The following NUDT21 variants were observed in gnomAD, a reference collection of about 807,000 sequenced individuals.
NUDT21 encodes cleavage and polyadenylation specificity factor subunit 5.
In NUDT21, 5 loss-of-function variants were observed where a neutral mutation model predicts 29.8. The ratio of observed to expected loss-of-function variants is 0.17; its 90% CI spans 0.09 to 0.35. The LOEUF (loss-of-function observed/expected upper bound fraction) is 0.35, where lower values mean the gene tolerates loss of function less well. Ranked by LOEUF, NUDT21 falls within the 10% of genes least tolerant of loss-of-function variation. The probability of loss-of-function intolerance (pLI) is 1.00; values close to 1 mark genes in which losing one functional copy is unlikely to be tolerated. For synonymous variants in NUDT21, 113 were observed against 98.5 expected (o/e 1.15, Z -0.87); for missense variants, 76 against 276.0 (o/e 0.28, Z 5.13).
rs1242661297 is a variant in NUDT21, at chr16:56,434,261, C to T, written c.662+70G>A. ...CCAAAATTCATGAACTATACCTTCC[C>T]AAGTGGCTCAGAATATTTTAAATTT... is the stretch of plus-strand genomic sequence containing the variant. On this transcript the variant is annotated intron_variant, in intron 6 of 6. Transcript: ENST00000300291. 8.3e-6 allele frequency: 8 copies of T among 969,420 alleles called. No individual in the cohort carries two copies. In the African/African-American group the frequency reaches 1.3e-4, roughly 16 times the overall value. The allele number at this position is 969,420 out of a possible 1,614,324, so 60.1% of individuals were successfully genotyped here. A position where few individuals can be genotyped will look rare whatever the true frequency, so the allele number is the denominator to read the frequency against.
At chr16:56,437,422 C>T (rs1276561250) in intron 4 of NUDT21, among the ~76,000 whole-genome samples, 2 of 152,104 alleles carry the variant, frequency 1.3e-5, no homozygotes, top group Non-Finnish European at 2.9e-5. Flanking sequence ...TATTTAAATC[C>T]AAAAGGTCAT....
At chr16:56,440,477 C>T (rs936885450) in intron 3 of NUDT21, among the ~76,000 whole-genome samples, 3 of 152,144 alleles carry the variant, frequency 2.0e-5, no homozygotes, top group Non-Finnish European at 2.9e-5. Flanking sequence ...TCATTTCTTC[C>T]GAGGTTCCTC....
rs545510216 is a variant in NUDT21 at position 56,451,330 on chromosome 16, G to A, written c.-128C>T. 11 of 810,782 alleles carry A rather than the reference G, an allele frequency of 1.4e-5. No individual in the cohort carries two copies. In the Admixed American group the frequency reaches 1.8e-4, roughly 14 times the overall value. The allele number at this position is 810,782 out of a possible 1,614,324, so 50.2% of individuals were successfully genotyped here. A position where few individuals can be genotyped will look rare whatever the true frequency, so the allele number is the denominator to read the frequency against. On this transcript the variant is annotated 5_prime_UTR_variant, in exon 1 of 7. Transcript: ENST00000300291. ...CGCCATTAACAGGACAGCGCAAGAG[G>A]AGGCGTAGGCACGCCGGAAGTGAAC...
At chr16:56,445,434 T>A (rs1361168650) in intron 3 of NUDT21, among the ~76,000 whole-genome samples, 2 of 152,228 alleles carry the variant, frequency 1.3e-5, no homozygotes, top group African/African-American at 4.8e-5. Flanking sequence ...AACAATCCAA[T>A]TATACTCTTT....
At position 56,439,439 on chromosome 16, in the gene NUDT21, G is replaced by A. The variant is rs1962137559; in HGVS notation, c.471+218C>T. On this transcript the variant is annotated intron_variant, in intron 4 of 6. Coordinates refer to ENST00000300291, the MANE Select transcript of NUDT21 (RefSeq NM_007006.3). The stretch of plus-strand genomic sequence containing the variant: ...GATCCACCCGCCTCGGCCTCCTGAA[G>A]TGCTGGGATTACAGGCATGAGCCAC... 3.3e-5 allele frequency: 16 copies of A among 486,934 alleles called. No homozygotes were observed. The South Asian group carries it at 3.4e-4, about 10-fold the overall frequency. The allele number at this position is 486,934 out of a possible 1,614,324, so 30.2% of individuals were successfully genotyped here. A position where few individuals can be genotyped will look rare whatever the true frequency, so the allele number is the denominator to read the frequency against.
chr16:56,450,520 C>CAT (rs1962281813), intron 1 of NUDT21, among the ~76,000 whole-genome samples: 1 of 152,128 alleles, frequency 6.6e-6, no homozygotes, highest in African/African-American at 2.4e-5. Flanking sequence ...GACGCGAAGG[C>CAT]ATAAGGCATG....
chr16:56,448,047 A>G, intron 1 of NUDT21, 58 bp from the exon 2 acceptor site: 2 of 1,450,096 alleles, frequency 1.4e-6, no homozygotes, highest in South Asian at 2.4e-5. Context: ...TTACCATGAC[A>G]GACATTAGCA....
chr16:56,436,054 G>T (rs1415311167), intron 4 of NUDT21, among the ~76,000 whole-genome samples: 1 of 149,634 alleles, frequency 6.7e-6, no homozygotes, highest in Middle Eastern at 3.2e-3. Context: ...AATTTAAAGG[G>T]ATGAAGAGAA....
chr16:56,445,360 C>T (rs747941455), intron 3 of NUDT21, among the ~76,000 whole-genome samples: 11 of 152,256 alleles, frequency 7.2e-5, no homozygotes, highest in East Asian at 5.8e-4. Flanking sequence ...GCATGCAATG[C>T]GTAATATTCA....
At chr16:56,434,692 G>T (rs1181669129) in intron 5 of NUDT21, 62 bp downstream of exon 5, 9 of 1,059,628 alleles carry the variant, frequency 8.5e-6, no homozygotes, top group Non-Finnish European at 1.0e-5. Flanking sequence ...ACAAATAGAG[G>T]TATCCTTGAA....
intron 2 of NUDT21, among the ~76,000 whole-genome samples, chr16:56,447,315 C>A (rs190566013): frequency 6.6e-6 from 1 of 152,156 alleles, no homozygotes; most frequent in Non-Finnish European, 1.5e-5. Context: ...TTTTCAAGAA[C>A]GTCATCTAAG....
chr16:56,444,596 G>A (rs1357087193), intron 3 of NUDT21, among the ~76,000 whole-genome samples: 4 of 103,778 alleles, frequency 3.9e-5, no homozygotes, highest in African/African-American at 1.1e-4. Flanking sequence ...GTGAAACTCC[G>A]CCTCAAAAAA....
At position 56,432,638 on chromosome 16, in the gene NUDT21, C is replaced by T. The variant is rs559439472; in HGVS notation, c.*74G>A. 5 of 1,361,520 alleles carry T rather than the reference C, an allele frequency of 3.7e-6. No individual in the cohort carries two copies. In the African/African-American group the frequency reaches 5.8e-5, roughly 16 times the overall value. The allele number at this position is 1,361,520 out of a possible 1,614,324, so 84.3% of individuals were successfully genotyped here. A position where few individuals can be genotyped will look rare whatever the true frequency, so the allele number is the denominator to read the frequency against. On this transcript the variant is annotated 3_prime_UTR_variant, in exon 7 of 7. Coordinates refer to ENST00000300291, the MANE Select transcript of NUDT21 (RefSeq NM_007006.3). ...TAAAACCAAAAAAACTTTTCTACCA[C>T]ATTTATTCTACACTGTATATAGCTG...
rs971897503 is a variant in NUDT21 at position 56,442,964 on chromosome 16, C to T, written c.382-3218G>A. On this transcript the variant is annotated intron_variant, in intron 3 of 6. Transcript: ENST00000300291. ...TAGCACTGTTTCACAGGTGCAAAATCTCCTCTCATCTCACCAAGAATATTA... is the reference window on the plus strand; with the variant it reads ...TAGCACTGTTTCACAGGTGCAAAATTTCCTCTCATCTCACCAAGAATATTA... 4.6e-5 allele frequency among the ~76,000 whole-genome samples: 7 copies of T among 151,960 alleles called. No homozygotes were observed. In the East Asian group the frequency reaches 1.4e-3, roughly 29 times the overall value.
intron 3 of NUDT21, among the ~76,000 whole-genome samples, chr16:56,441,325 C>G (rs1433508585): frequency 1.3e-5 from 2 of 152,178 alleles, no homozygotes; most frequent in African/African-American, 4.8e-5. Flanking sequence ...CAACCTCCAC[C>G]ACCCAGGTCC....
intron 1 of NUDT21, among the ~76,000 whole-genome samples, chr16:56,449,557 CA>C (rs1210060466): frequency 6.6e-6 from 1 of 152,038 alleles, no homozygotes; most frequent in African/African-American, 2.4e-5. Flanking sequence ...TACTGTAAAT[CA>C]ACCCATAATT....
Position 56,434,447 on chromosome 16 carries a change from TA to T in NUDT21, c.548-3del. On this transcript the variant is annotated splice_polypyrimidine_tract_variant and splice_region_variant and intron_variant, in intron 5 of 6. Coordinates refer to ENST00000300291, the MANE Select transcript of NUDT21 (RefSeq NM_007006.3). Reference sequence around the variant, plus strand: ...AATTTTTAGGGACTGCAAACAAGGCTAAAATAAAACAGAATTCATTATTATA... The same window carrying T: ...AATTTTTAGGGACTGCAAACAAGGCTAAATAAAACAGAATTCATTATTATA... The T allele has an allele frequency of 6.4e-7, 1 of 1,551,562 alleles. No homozygotes were observed. The highest frequency in any genetic ancestry group is 8.9e-7 in the Non-Finnish European group (1 of 1,124,082).
Position 56,432,567 on chromosome 16 carries a change from C to T in NUDT21, c.*145G>A, listed in dbSNP as rs754638232. 4.4e-4 allele frequency: 221 copies of T among 497,094 alleles called. No individual in the cohort carries two copies. In the Middle Eastern group the frequency reaches 0.014, roughly 32 times the overall value. 30.8% of individuals were successfully genotyped at this position (497,094 alleles called of 1,614,324 possible). A position where few individuals can be genotyped will look rare whatever the true frequency, so the allele number is the denominator to read the frequency against. On this transcript the variant is annotated 3_prime_UTR_variant, in exon 7 of 7. Transcript: ENST00000300291. ...TATCTAGTTCTTCATATTAATTTTA[C>T]TATTCAAACAATAGAAAGGTGGCAA...
chr16:56,440,411 CT>C (rs1392788843), intron 3 of NUDT21, among the ~76,000 whole-genome samples: 1 of 152,190 alleles, frequency 6.6e-6, no homozygotes, highest in Non-Finnish European at 1.5e-5. Context: ...ACCTAATGTC[CT>C]TTTTCATTTT....
Sources: allele counts gnomAD v4.1 joint callset (sites outside exome capture counted in the v4.1 genomes callset), GRCh38; gene constraint gnomAD v4.1.1; transcripts MANE v1.5; gene names NCBI Gene and HGNC (gene_info 2026-07-23, HGNC 2026-07-21).